Variants in CREBBP observed in about 807,000 individuals in gnomAD.
The protein encoded by CREBBP is CREB binding lysine acetyltransferase.
CREBBP carries 19 observed loss-of-function variants against 265.0 expected under a neutral mutation model. The ratio of observed to expected loss-of-function variants is 0.07; its 90% CI spans 0.05 to 0.11. The LOEUF (loss-of-function observed/expected upper bound fraction) is 0.11. Ranked by LOEUF, CREBBP falls within the 10% of genes least tolerant of loss-of-function variation. The pLI, the probability that CREBBP is intolerant of heterozygous loss-of-function variation, is 1.00. For synonymous variants in CREBBP, 1,457 were observed against 1,223.7 expected (o/e 1.19, Z -3.98); for missense variants, 2,525 against 3,219.0 (o/e 0.78, Z 5.22).
chr16:3,837,869 G>C (rs1366972237), intron 2 of CREBBP, among the ~76,000 whole-genome samples: 1 of 152,080 alleles, frequency 6.6e-6, no homozygotes, highest in Non-Finnish European at 1.5e-5. Context: ...TGTTTATAAA[G>C]TCTATAGCAG....
chr16:3,760,935 G>C (rs563836299), intron 16 of CREBBP, among the ~76,000 whole-genome samples: 3 of 152,118 alleles, frequency 2.0e-5, no homozygotes, highest in Admixed American at 1.3e-4. Flanking sequence ...ACTGGGCCTG[G>C]TCTGTTTTTT....
intron 16 of CREBBP, among the ~76,000 whole-genome samples, chr16:3,763,848 T>TC (rs2052782019): frequency 6.7e-6 from 1 of 150,146 alleles, no homozygotes; most frequent in Admixed American, 6.6e-5. Context: ...AGCAATCTTT[T>TC]TTTTTTTTTT....
At chr16:3,783,847 T>G (rs537007587) in intron 5 of CREBBP, among the ~76,000 whole-genome samples, 1 of 152,298 alleles carries the variant, frequency 6.6e-6, no homozygotes, top group South Asian at 2.1e-4. Context: ...CCCAAAGGGC[T>G]TCCAAGGTAA....
At chr16:3,816,872 C>G (rs1364979123) in intron 2 of CREBBP, among the ~76,000 whole-genome samples, 1 of 152,132 alleles carries the variant, frequency 6.6e-6, no homozygotes, top group Admixed American at 6.5e-5. Flanking sequence ...TGCCACGCAG[C>G]CCCTAGGAAT....
At chr16:3,829,158 T>C (rs901985135) in intron 2 of CREBBP, among the ~76,000 whole-genome samples, 2 of 152,148 alleles carry the variant, frequency 1.3e-5, no homozygotes, top group Non-Finnish European at 2.9e-5. Flanking sequence ...TTTGTATAAA[T>C]ATAACTCTTT....
rs1028378798 is a variant in CREBBP at position 3,725,593 on chromosome 16, G to C, written c.*2125C>G. On this transcript the variant is annotated 3_prime_UTR_variant, in exon 31 of 31. Transcript: ENST00000262367. ...GGCCCGGCCTGTGCTTCCCCTCCTGGGATGGGGTGAATGGGGGCTGGTCAG... is the reference window on the plus strand; with the variant it reads ...GGCCCGGCCTGTGCTTCCCCTCCTGCGATGGGGTGAATGGGGGCTGGTCAG... 1 of 233,212 alleles carries C rather than the reference G, an allele frequency of 4.3e-6. No individual in the cohort carries two copies. Among genetic ancestry groups the C allele is most frequent in the African/African-American group, 2.2e-5 (1 of 45,348 alleles). 14.4% of individuals were successfully genotyped at this position (233,212 alleles called of 1,614,324 possible).
chr16:3,736,867 T>C (rs745869259), intron 26 of CREBBP, 52 bp from the exon 27 acceptor site: 2 of 1,608,858 alleles, frequency 1.2e-6, no homozygotes, highest in South Asian at 2.2e-5. Context: ...AAATCGGCCC[T>C]GCCTTTAAGG....
chr16:3,785,587 C>T (rs1050549420), intron 5 of CREBBP, among the ~76,000 whole-genome samples: 8 of 152,336 alleles, frequency 5.3e-5, no homozygotes, highest in Admixed American at 4.6e-4. Flanking sequence ...CCAGCTATAG[C>T]GCAGCGGCCA....
At chr16:3,736,905 G>T in intron 26 of CREBBP, 90 bp from the exon 27 acceptor site, 4 of 1,497,780 alleles carry the variant, frequency 2.7e-6, no homozygotes, top group Non-Finnish European at 3.7e-6. Context: ...AAGGACTAAA[G>T]CCAGGACAGA....
At chr16:3,772,328 AACAC>A (rs34060381) in intron 13 of CREBBP, among the ~76,000 whole-genome samples, 19,024 of 145,146 alleles carry the variant, frequency 0.13, 1,427 homozygotes, top group Middle Eastern at 0.24. Context: ...CTGAAACACA[AACAC>A]ACACACACAC....
chr16:3,809,210 C>G (rs979694133), intron 3 of CREBBP, among the ~76,000 whole-genome samples: 11 of 151,332 alleles, frequency 7.3e-5, no homozygotes, highest in African/African-American at 2.7e-4. Context: ...CAGAGTCTTG[C>G]TCTGCCACCC....
intron 1 of CREBBP, among the ~76,000 whole-genome samples, chr16:3,865,192 G>A (rs994808560): frequency 1.3e-5 from 2 of 152,170 alleles, no homozygotes; most frequent in East Asian, 1.9e-4. Flanking sequence ...AACTATAAAT[G>A]CATATGCCTT....
rs2141245250 is a variant in CREBBP, at chr16:3,780,757, G to A, written c.1798C>T (p.Leu600=). The change falls in exon 8 of 31, where the codon CTG becomes TTG. Residue 600 remains leucine, a synonymous_variant. Transcript: ENST00000262367. ...KGWHEHVTQD[L]RSHLVHKLVQ... ...AGTTTATGCACTAGATGGCTCCGCA[G>A]GTCCTGAGTGACATGTTCGTGCCAG... is the stretch of plus-strand genomic sequence containing the variant. The A allele has an allele frequency of 6.2e-7, 1 of 1,614,104 alleles. No individual in the cohort carries two copies. Among genetic ancestry groups the A allele is most frequent in the Non-Finnish European group, 8.5e-7 (1 of 1,180,036 alleles).
At chr16:3,805,576 G>C (rs761779998) in intron 3 of CREBBP, among the ~76,000 whole-genome samples, 5 of 152,190 alleles carry the variant, frequency 3.3e-5, no homozygotes, top group African/African-American at 7.2e-5. Context: ...CGTTCACGAA[G>C]CTTAACCCTA....
intron 26 of CREBBP, among the ~76,000 whole-genome samples, chr16:3,737,523 G>C (rs988809296): frequency 1.1e-4 from 17 of 149,934 alleles, no homozygotes; most frequent in South Asian, 2.1e-4. Context: ...GCAATGGCAT[G>C]ATCTCGACTC....
intron 15 of CREBBP, among the ~76,000 whole-genome samples, chr16:3,768,904 A>G (rs536537645): frequency 2.6e-4 from 40 of 152,202 alleles, no homozygotes; most frequent in Non-Finnish European, 5.0e-4. Flanking sequence ...AATGGAGAAC[A>G]TAAAATAAAA....
intron 2 of CREBBP, among the ~76,000 whole-genome samples, chr16:3,831,662 G>A (rs932737433): frequency 6.6e-6 from 1 of 152,008 alleles, no homozygotes; most frequent in Non-Finnish European, 1.5e-5. Flanking sequence ...AAAAACAAGA[G>A]AGCACACCAG....
chr16:3,875,307 TCA>T (rs1358355726), intron 1 of CREBBP, among the ~76,000 whole-genome samples: 2 of 152,170 alleles, frequency 1.3e-5, no homozygotes, highest in African/African-American at 2.4e-5. Flanking sequence ...CTCACCCCTC[TCA>T]GTTATTCAAA....
At chr16:3,852,270 G>C (rs553947887) in intron 1 of CREBBP, among the ~76,000 whole-genome samples, 1 of 136,734 alleles carries the variant, frequency 7.3e-6, no homozygotes, top group Non-Finnish European at 1.5e-5. Context: ...CCGGGTTCAC[G>C]CCACTGTCCT....
Sources: allele counts gnomAD v4.1 joint callset (sites outside exome capture counted in the v4.1 genomes callset), GRCh38; gene constraint gnomAD v4.1.1; transcripts MANE v1.5; gene names NCBI Gene and HGNC (gene_info 2026-07-23, HGNC 2026-07-21).